Variants in TRAF2 observed in about 807,000 individuals in gnomAD.
TRAF2 encodes TNF receptor-associated factor 2.
In TRAF2, 6 loss-of-function variants were observed where a neutral mutation model predicts 55.6. The observed-to-expected ratio is 0.11, with a 90% CI of 0.06 to 0.21. The LOEUF (loss-of-function observed/expected upper bound fraction) is 0.21, where lower values mean the gene tolerates loss of function less well. Ranked by LOEUF, TRAF2 falls within the 10% of genes least tolerant of loss-of-function variation. TRAF2 has a pLI of 1.00. For synonymous variants in TRAF2, 329 were observed against 276.3 expected, an observed-to-expected ratio of 1.19 and a Z score of -1.89; for missense variants, 561 against 684.5, an observed-to-expected ratio of 0.82 and a Z score of 2.01.
chr9:136,881,971 C>T (rs1045625787), upstream of TRAF2: 55 of 985,398 alleles, frequency 5.6e-5, no homozygotes, highest in Non-Finnish European at 6.4e-5. Context: ...ACAGGGCTGA[C>T]ATGCAAACGT....
At chr9:136,904,387 A>G (rs1418312946) in intron 4 of TRAF2, among the ~76,000 whole-genome samples, 1 of 152,008 alleles carries the variant, frequency 6.6e-6, no homozygotes, top group Non-Finnish European at 1.5e-5. Flanking sequence ...TATGTTTTAA[A>G]GAACAGTCTT....
upstream of TRAF2, among the ~76,000 whole-genome samples, chr9:136,885,295 C>T (rs773844441): frequency 6.6e-6 from 1 of 152,172 alleles, no homozygotes; most frequent in Non-Finnish European, 1.5e-5. Flanking sequence ...AGACTTACCT[C>T]CGTGAACGTT....
At chr9:136,909,656 C>T (rs1355799218) in intron 5 of TRAF2, among the ~76,000 whole-genome samples, 2 of 152,358 alleles carry the variant, frequency 1.3e-5, no homozygotes, top group East Asian at 3.9e-4. Flanking sequence ...CGTTGTTTCA[C>T]GTGGCTTCCA....
chr9:136,887,630 G>A (rs999687623), intron 1 of TRAF2, among the ~76,000 whole-genome samples: 34 of 152,136 alleles, frequency 2.2e-4, no homozygotes, highest in Admixed American at 2.2e-3. Context: ...ACATGATTTT[G>A]AAGGGACGGA....
chr9:136,919,625 TTTTA>T (rs1346670276), intron 7 of TRAF2, among the ~76,000 whole-genome samples: 1 of 151,998 alleles, frequency 6.6e-6, no homozygotes, highest in Non-Finnish European at 1.5e-5. Flanking sequence ...GGTGTGTTGC[TTTTA>T]TTTTTCTTTT....
chr9:136,898,759 AC>A lies in TRAF2; in HGVS notation c.26del (p.Pro9LeufsTer77), dbSNP rs748531430. The A allele has an allele frequency of 3.7e-6, 6 of 1,612,186 alleles. No individual in the cohort carries two copies. Among genetic ancestry groups the A allele is most frequent in the Non-Finnish European group, 2.5e-6 (3 of 1,179,718 alleles). On this transcript the variant is annotated frameshift_variant, in exon 2 of 11. Coordinates refer to ENST00000247668, the MANE Select transcript of TRAF2 (RefSeq NM_021138.4). LOFTEE classifies it high-confidence loss of function. MAAASV[T>X]PPGSLELLQP... ...AGCTCTCATGGCTGCAGCTAGCGTG[AC>A]CCCCCCTGGCTCCCTGGAGTTGCTA...
At chr9:136,888,601 G>A (rs886131519) in intron 1 of TRAF2, among the ~76,000 whole-genome samples, 5 of 152,194 alleles carry the variant, frequency 3.3e-5, no homozygotes, top group African/African-American at 7.2e-5. Context: ...AAGCGTTTGC[G>A]GCGACTAGGT....
At chr9:136,895,390 G>T (rs1177255307) in intron 1 of TRAF2, among the ~76,000 whole-genome samples, 1 of 152,206 alleles carries the variant, frequency 6.6e-6, no homozygotes, top group African/African-American at 2.4e-5. Flanking sequence ...AGCAGAGCAG[G>T]TGTGCAGTGT....
intron 9 of TRAF2, chr9:136,922,377 T>G (rs1464152011): frequency 1.3e-5 from 2 of 152,360 alleles, no homozygotes; most frequent in Non-Finnish European, 2.9e-5. Context: ...ACCTTCCCTC[T>G]GCAGCTGCTG....
Position 136,898,725 on chromosome 9 carries a change from G to A in TRAF2, c.-16G>A, listed in dbSNP as rs376785145. 1,198 of 1,612,744 alleles carry A rather than the reference G, an allele frequency of 7.4e-4. No homozygotes were observed. The highest frequency in any genetic ancestry group is 9.6e-4 in the Non-Finnish European group (1,131 of 1,179,962). ...TGTTCTTCCTTAGGGCTTTGTTCGCGGGGGTCACAGCTCTCATGGCTGCAG... is the reference window on the plus strand; with the variant it reads ...TGTTCTTCCTTAGGGCTTTGTTCGCAGGGGTCACAGCTCTCATGGCTGCAG... On this transcript the variant is annotated 5_prime_UTR_variant, in exon 2 of 11. Coordinates refer to ENST00000247668, the MANE Select transcript of TRAF2 (RefSeq NM_021138.4).
At chr9:136,895,447 G>T (rs1849660250) in intron 1 of TRAF2, among the ~76,000 whole-genome samples, 2 of 152,246 alleles carry the variant, frequency 1.3e-5, no homozygotes, top group Admixed American at 6.5e-5. Flanking sequence ...GGAGGCATCA[G>T]TCAGGCTCAA....
At chr9:136,882,885 T>C (rs1849390528), upstream of TRAF2, 1 of 342,306 alleles carries the variant, frequency 2.9e-6, no homozygotes, top group African/African-American at 2.2e-5. Context: ...ACAATCAATA[T>C]TATTAGACAG....
At chr9:136,925,027 G>A (rs1461850525) in intron 10 of TRAF2, among the ~76,000 whole-genome samples, 4 of 152,228 alleles carry the variant, frequency 2.6e-5, no homozygotes, top group South Asian at 2.1e-4. Flanking sequence ...GTGAGCCACT[G>A]TGCCTGGCCT....
intron 5 of TRAF2, among the ~76,000 whole-genome samples, chr9:136,908,946 G>A (rs573906989): frequency 2.6e-5 from 4 of 151,114 alleles, no homozygotes; most frequent in South Asian, 2.1e-4. Context: ...GCTGAGGCAG[G>A]AGAATTGCTT....
upstream of TRAF2, chr9:136,882,877 A>T (rs1849390359): frequency 2.8e-6 from 1 of 359,598 alleles, no homozygotes; most frequent in African/African-American, 2.2e-5. Flanking sequence ...CTGTCATCAC[A>T]ATCAATATTA....
chr9:136,903,484 C>T (rs768418813), intron 4 of TRAF2, among the ~76,000 whole-genome samples: 15 of 151,824 alleles, frequency 9.9e-5, no homozygotes, highest in Admixed American at 1.3e-4. Flanking sequence ...AGAGGGATGA[C>T]GACTGTATTT....
intron 4 of TRAF2, among the ~76,000 whole-genome samples, chr9:136,907,503 A>G (rs1269513108): frequency 6.6e-6 from 1 of 152,132 alleles, no homozygotes; most frequent in Non-Finnish European, 1.5e-5. Context: ...AGCTCCTGGC[A>G]CCTTGGCCTG....
chr9:136,908,893 C>T (rs1028555766), intron 5 of TRAF2, among the ~76,000 whole-genome samples: 3 of 102,814 alleles, frequency 2.9e-5, no homozygotes, highest in African/African-American at 1.2e-4. Flanking sequence ...AAAAAAAAAG[C>T]CAGGCACGGT....
intron 1 of TRAF2, chr9:136,889,828 G>C (rs1849538138): frequency 6.6e-6 from 1 of 151,394 alleles, no homozygotes; most frequent in Admixed American, 6.6e-5. Flanking sequence ...AGTCGCCCCT[G>C]CATGCTCATT....
Sources: allele counts gnomAD v4.1 joint callset (sites outside exome capture counted in the v4.1 genomes callset), GRCh38; gene constraint gnomAD v4.1.1; transcripts MANE v1.5; gene names NCBI Gene and HGNC (gene_info 2026-07-23, HGNC 2026-07-21).